The following GDPD1 variants were observed in gnomAD, a reference collection of about 807,000 sequenced individuals.
The protein encoded by GDPD1 is lysophospholipase D GDPD1.
In GDPD1, 28 loss-of-function variants were observed where a neutral mutation model predicts 45.1. That is an observed-to-expected ratio of 0.62 (90% CI 0.46 to 0.85). The LOEUF is 0.85. Ranked by LOEUF, GDPD1 falls within the 40% of genes least tolerant of loss-of-function variation. GDPD1 has a pLI of 0.00. For synonymous variants in GDPD1, 139 were observed against 131.4 expected, an observed-to-expected ratio of 1.06 and a Z score of -0.40; for missense variants, 256 against 364.8, an observed-to-expected ratio of 0.70 and a Z score of 2.43.
At chr17:59,233,951 G>T (rs925883660) in intron 1 of GDPD1, among the ~76,000 whole-genome samples, 1 of 152,056 alleles carries the variant, frequency 6.6e-6, no homozygotes, top group Non-Finnish European at 1.5e-5. Flanking sequence ...TTTATGTTTA[G>T]GCTTGGGTTC....
intron 4 of GDPD1, among the ~76,000 whole-genome samples, chr17:59,256,809 T>G (rs186024602): frequency 6.6e-6 from 1 of 152,268 alleles, no homozygotes; most frequent in African/African-American, 2.4e-5. Context: ...AAATAAAAAA[T>G]TAATAAATCA....
chr17:59,265,256 C>G (rs1407076600), intron 6 of GDPD1, among the ~76,000 whole-genome samples: 1 of 151,948 alleles, frequency 6.6e-6, no homozygotes, highest in Non-Finnish European at 1.5e-5. Context: ...ATAGCAGGGC[C>G]TGGCATGGTA....
intron 6 of GDPD1, among the ~76,000 whole-genome samples, chr17:59,259,216 G>A (rs973462940): frequency 1.3e-5 from 2 of 149,808 alleles, no homozygotes; most frequent in Non-Finnish European, 3.0e-5. Flanking sequence ...GATCACCTGA[G>A]GTCAGGAGTT....
At chr17:59,225,583 C>T (rs2047041359) in intron 1 of GDPD1, among the ~76,000 whole-genome samples, 1 of 152,154 alleles carries the variant, frequency 6.6e-6, no homozygotes, top group African/African-American at 2.4e-5. Flanking sequence ...CCACCGCGGC[C>T]TCCCAAAGTG....
chr17:59,229,683 A>AAT (rs1364614703), intron 1 of GDPD1, among the ~76,000 whole-genome samples: 1 of 152,076 alleles, frequency 6.6e-6, no homozygotes, highest in East Asian at 1.9e-4. Context: ...TAAAAAGAAA[A>AAT]ATATATATAT....
chr17:59,222,715 A>G (rs1220121078), intron 1 of GDPD1, among the ~76,000 whole-genome samples: 5 of 150,942 alleles, frequency 3.3e-5, no homozygotes, highest in African/African-American at 1.2e-4. Context: ...AGGTTTCACC[A>G]TGTTGGCCAG....
chr17:59,267,718 G>A (rs1597992533), intron 7 of GDPD1, among the ~76,000 whole-genome samples: 1 of 150,284 alleles, frequency 6.7e-6, no homozygotes, highest in African/African-American at 2.4e-5. Flanking sequence ...GGCCTAGGCT[G>A]GGGTGCAAAG....
At chr17:59,243,672 C>G (rs1053233835) in intron 2 of GDPD1, among the ~76,000 whole-genome samples, 1 of 152,144 alleles carries the variant, frequency 6.6e-6, no homozygotes, top group African/African-American at 2.4e-5. Flanking sequence ...ATCATCGTAC[C>G]TATTTTAAAA....
intron 4 of GDPD1, among the ~76,000 whole-genome samples, chr17:59,251,566 T>G (rs1037647985): frequency 6.6e-6 from 1 of 151,990 alleles, no homozygotes. Flanking sequence ...AACAACACTG[T>G]GTACTGTCAA....
intron 3 of GDPD1, among the ~76,000 whole-genome samples, chr17:59,246,745 GA>G (rs1362370894): frequency 2.6e-5 from 3 of 115,154 alleles, no homozygotes; most frequent in Non-Finnish European, 5.4e-5. Flanking sequence ...AACATTATAA[GA>G]AAAAAAGAAA....
At chr17:59,222,661 C>T (rs1424674738) in intron 1 of GDPD1, among the ~76,000 whole-genome samples, 1 of 151,676 alleles carries the variant, frequency 6.6e-6, no homozygotes, top group Non-Finnish European at 1.5e-5. Context: ...ATTACAGGCT[C>T]CCGCCACCAC....
intron 2 of GDPD1, among the ~76,000 whole-genome samples, chr17:59,235,252 T>C (rs2047122948): frequency 6.6e-6 from 1 of 152,132 alleles, no homozygotes; most frequent in South Asian, 2.1e-4. Flanking sequence ...GTAAGATAAA[T>C]ATTTTCTTAT....
chr17:59,232,496 G>A (rs936872762), intron 1 of GDPD1, among the ~76,000 whole-genome samples: 5 of 151,798 alleles, frequency 3.3e-5, no homozygotes, highest in Admixed American at 6.6e-5. Flanking sequence ...AATGGATATC[G>A]AAGAAGTTTT....
At chr17:59,259,290 G>A (rs528846587) in intron 6 of GDPD1, among the ~76,000 whole-genome samples, 3 of 151,748 alleles carry the variant, frequency 2.0e-5, no homozygotes, top group Non-Finnish European at 2.9e-5. Context: ...AATAGAGGCC[G>A]GGCGCGGTGG....
chr17:59,248,968 C>G, intron 4 of GDPD1, 183 bp downstream of exon 4: 1 of 457,418 alleles, frequency 2.2e-6, no homozygotes, highest in Non-Finnish European at 3.9e-6. Flanking sequence ...GTGATTCATT[C>G]TGCTTAAATT....
At chr17:59,262,351 C>T (rs1421176820) in intron 6 of GDPD1, among the ~76,000 whole-genome samples, 2 of 152,110 alleles carry the variant, frequency 1.3e-5, no homozygotes, top group Non-Finnish European at 2.9e-5. Flanking sequence ...AAATGTCCTT[C>T]AGTGGGTAAA....
chr17:59,255,860 T>C (rs376008855), intron 4 of GDPD1, among the ~76,000 whole-genome samples: 2 of 76,384 alleles, frequency 2.6e-5, no homozygotes, highest in Non-Finnish European at 4.5e-5. Flanking sequence ...TACACACGTA[T>C]ATATATATAT....
intron 2 of GDPD1, among the ~76,000 whole-genome samples, chr17:59,240,598 C>T (rs895366779): frequency 1.3e-5 from 2 of 151,814 alleles, no homozygotes; most frequent in African/African-American, 4.8e-5. Flanking sequence ...CATCCCAAGT[C>T]ACTAGAACTA....
At chr17:59,250,899 C>G (rs2047248181) in intron 4 of GDPD1, among the ~76,000 whole-genome samples, 1 of 152,026 alleles carries the variant, frequency 6.6e-6, no homozygotes, top group South Asian at 2.1e-4. Flanking sequence ...GAGGTTTCAC[C>G]ACATTGGCCA....
Sources: gnomAD v4.1 joint callset for allele counts (sites outside exome capture counted in the v4.1 genomes callset) on GRCh38, gnomAD v4.1.1 for gene constraint, MANE v1.5 for transcripts, NCBI Gene and HGNC (gene_info 2026-07-23, HGNC 2026-07-21) for gene names.